Variants in PRUNE2 observed in about 807,000 individuals in gnomAD.
PRUNE2 encodes the protein protein prune homolog 2.
Under a neutral mutation model 252.0 loss-of-function variants are expected in PRUNE2, and 164 were observed. The observed-to-expected ratio is 0.65, with a 90% CI of 0.57 to 0.74. The LOEUF is 0.74. PRUNE2 is among the 30% of genes least tolerant of loss of function. The pLI is 0.00. For synonymous variants in PRUNE2, 1,292 were observed against 1,350.2 expected (o/e 0.96, Z 0.94); for missense variants, 3,495 against 3,711.0 (o/e 0.94, Z 1.51).
At chr9:76,902,273 C>A (rs2063225300) in intron 1 of PRUNE2, among the ~76,000 whole-genome samples, 1 of 151,020 alleles carries the variant, frequency 6.6e-6, no homozygotes, top group Non-Finnish European at 1.5e-5. Context: ...TCCCAAATCA[C>A]AGCATAGAGC....
At chr9:76,660,953 T>C (rs1015154571) in intron 9 of PRUNE2, among the ~76,000 whole-genome samples, 1 of 152,030 alleles carries the variant, frequency 6.6e-6, no homozygotes, top group Non-Finnish European at 1.5e-5. Flanking sequence ...GAAAAATACT[T>C]TGAGGCATTT....
chr9:76,811,254 C>T (rs2057338715), intron 6 of PRUNE2, among the ~76,000 whole-genome samples: 2 of 152,156 alleles, frequency 1.3e-5, no homozygotes, highest in South Asian at 4.1e-4. Flanking sequence ...TGAGGGTTTC[C>T]CTTCTCATAA....
chr9:76,785,296 T>C (rs1163483304), intron 6 of PRUNE2: 1 of 152,216 alleles, frequency 6.6e-6, no homozygotes, highest in East Asian at 1.9e-4. Context: ...GGGACACATA[T>C]GAGATTCATC....
intron 6 of PRUNE2, among the ~76,000 whole-genome samples, chr9:76,775,980 G>A: frequency 6.6e-6 from 1 of 152,166 alleles, no homozygotes; most frequent in African/African-American, 2.4e-5. Context: ...AGCATTTTCT[G>A]GTGTGAGATT....
At chr9:76,655,345 A>G in intron 10 of PRUNE2, 78 bp downstream of exon 10, 1 of 1,027,348 alleles carries the variant, frequency 9.7e-7, no homozygotes, top group Non-Finnish European at 1.5e-6. Flanking sequence ...GATGCACAGG[A>G]AATAATTCTT....
chr9:76,904,573 C>T (rs2063370226), intron 1 of PRUNE2, among the ~76,000 whole-genome samples: 1 of 152,124 alleles, frequency 6.6e-6, no homozygotes, highest in Non-Finnish European at 1.5e-5. Context: ...AGAACATGTA[C>T]TTATACTATC....
intron 2 of PRUNE2, among the ~76,000 whole-genome samples, chr9:76,851,374 C>T (rs1043711878): frequency 3.3e-5 from 5 of 152,134 alleles, no homozygotes; most frequent in Admixed American, 1.3e-4. Context: ...GGTGAAACCC[C>T]ATCTCTACTA....
At chr9:76,845,130 C>T (rs867360429) in intron 4 of PRUNE2, among the ~76,000 whole-genome samples, 28 of 151,806 alleles carry the variant, frequency 1.8e-4, no homozygotes, top group Admixed American at 7.2e-4. Flanking sequence ...GTCTGCATTC[C>T]TTCTAATTCC....
At chr9:76,900,906 A>C (rs1233885645) in intron 1 of PRUNE2, among the ~76,000 whole-genome samples, 1 of 152,158 alleles carries the variant, frequency 6.6e-6, no homozygotes, top group Admixed American at 6.5e-5. Context: ...ACTCAAAATT[A>C]TGTTAATATC....
intron 1 of PRUNE2, among the ~76,000 whole-genome samples, chr9:76,855,082 A>AAAAAAAAAT (rs1490285240): frequency 9.1e-6 from 1 of 109,436 alleles, no homozygotes; most frequent in African/African-American, 3.9e-5. Flanking sequence ...AAAAAAAAAA[A>AAAAAAAAAT]ATATATATAT....
At chr9:76,622,058 G>A (rs528427020) in intron 17 of PRUNE2, among the ~76,000 whole-genome samples, 14 of 152,116 alleles carry the variant, frequency 9.2e-5, no homozygotes, top group Admixed American at 2.6e-4. Context: ...ATGGGATTTC[G>A]TGTTTTACCA....
intron 6 of PRUNE2, among the ~76,000 whole-genome samples, chr9:76,723,989 A>C (rs913180081): frequency 6.6e-6 from 1 of 150,714 alleles, no homozygotes; most frequent in Non-Finnish European, 1.5e-5. Context: ...TTGTATTTTT[A>C]GTAGAGATGA....
chr9:76,677,517 C>T (rs891190144), intron 9 of PRUNE2, among the ~76,000 whole-genome samples: 2 of 152,176 alleles, frequency 1.3e-5, no homozygotes, highest in Admixed American at 6.6e-5. Flanking sequence ...CCTAAAGGGC[C>T]GCAGAGGCTG....
intron 6 of PRUNE2, among the ~76,000 whole-genome samples, chr9:76,754,860 G>A (rs982699153): frequency 4.0e-5 from 6 of 151,344 alleles, no homozygotes; most frequent in African/African-American, 1.5e-4. Flanking sequence ...CAGCTACTTG[G>A]GAGGCTGAGG....
In PRUNE2 at chr9:76,704,871, T is replaced by C. The variant is rs763887132; in HGVS notation, c.7403A>G (p.Tyr2468Cys). The change falls in exon 8 of 19, where the codon TAT (tyrosine) becomes TGT (cysteine). Residue 2468 changes from tyrosine (Y) to cysteine (C), a missense_variant. Physicochemically the swap from Tyr to Cys is radical, Grantham distance 194 (BLOSUM62 -2). Transcript: ENST00000376718. ...LHIREDPESV[Y>C]LPVGAGSNIL... ...GTTGGAGCCTGCTCCTACCGGCAAATAAACGGACTCAGGGTCTTCACGAAT... is the reference window on the plus strand; with the variant it reads ...GTTGGAGCCTGCTCCTACCGGCAAACAAACGGACTCAGGGTCTTCACGAAT... 5.6e-6 allele frequency: 9 copies of C among 1,606,530 alleles called. No individual in the cohort carries two copies. Among genetic ancestry groups the C allele is most frequent in the Middle Eastern group, 1.7e-4 (1 of 6,050 alleles).
chr9:76,662,282 G>A (rs11144999), intron 9 of PRUNE2, among the ~76,000 whole-genome samples: 1,939 of 152,256 alleles, frequency 0.013, 42 homozygotes, highest in African/African-American at 0.043. Flanking sequence ...GAGAAAGAAC[G>A]GTGATAGAAA....
chr9:76,655,976 C>T (rs1215041802), intron 9 of PRUNE2, among the ~76,000 whole-genome samples: 1 of 152,150 alleles, frequency 6.6e-6, no homozygotes, highest in Non-Finnish European at 1.5e-5. Flanking sequence ...ACCTACTTCA[C>T]CACGTTGTTT....
chr9:76,639,490 C>CA (rs1480665377), intron 12 of PRUNE2, among the ~76,000 whole-genome samples: 1 of 151,652 alleles, frequency 6.6e-6, no homozygotes, highest in Admixed American at 6.6e-5. Flanking sequence ...GATTCTGTCT[C>CA]AAAAAAACAA....
intron 1 of PRUNE2, among the ~76,000 whole-genome samples, chr9:76,858,566 C>CATAG (rs1400494203): frequency 6.6e-6 from 1 of 152,014 alleles, no homozygotes; most frequent in Non-Finnish European, 1.5e-5. Flanking sequence ...AATGAGAACA[C>CATAG]ATAGACACAG....
Sources: allele counts gnomAD v4.1 joint callset (sites outside exome capture counted in the v4.1 genomes callset), GRCh38; gene constraint gnomAD v4.1.1; transcripts MANE v1.5; gene names NCBI Gene and HGNC (gene_info 2026-07-23, HGNC 2026-07-21).